RANBP2: variants seen among roughly 807,000 people sequenced by gnomAD.
The protein encoded by RANBP2 is E3 SUMO-protein ligase RanBP2.
A neutral mutation model predicts 303.6 loss-of-function variants in RANBP2; 57 were observed. The observed-to-expected ratio is 0.19, with a 90% CI of 0.15 to 0.23. The LOEUF is 0.23. RANBP2 is among the 10% of genes least tolerant of loss of function. The pLI is 1.00. For synonymous variants in RANBP2, 1,167 were observed against 1,301.5 expected (o/e 0.90, Z 2.23); for missense variants, 3,138 against 3,780.8 (o/e 0.83, Z 4.46).
the RANBP2 span, among the ~76,000 whole-genome samples, chr2:109,508,524 TG>T: frequency 1.3e-5 from 2 of 151,912 alleles, no homozygotes; most frequent in African/African-American, 2.4e-5. Context: ...ATATAAAAAC[TG>T]GATCTAAAAG....
chr2:108,874,979 T>G, the RANBP2 span, among the ~76,000 whole-genome samples: 1 of 152,046 alleles, frequency 6.6e-6, no homozygotes, highest in African/African-American at 2.4e-5. Context: ...CCAAAATGTT[T>G]TACTATTCAT....
chr2:109,320,513 A>G, the RANBP2 span, among the ~76,000 whole-genome samples: 1 of 152,172 alleles, frequency 6.6e-6, no homozygotes, highest in East Asian at 1.9e-4. Flanking sequence ...TCATGCTCAA[A>G]GGGAGGCTGT....
chr2:109,219,051 C>T, the RANBP2 span, among the ~76,000 whole-genome samples: 2 of 152,106 alleles, frequency 1.3e-5, no homozygotes, highest in Non-Finnish European at 2.9e-5. Flanking sequence ...GCTCAGTCCT[C>T]ATTTAGCTGA....
chr2:109,483,108 C>T, the RANBP2 span, among the ~76,000 whole-genome samples: 2 of 152,190 alleles, frequency 1.3e-5, no homozygotes, highest in African/African-American at 4.8e-5. Flanking sequence ...CTCCTGTGCT[C>T]TTCCAGTAAC....
chr2:108,796,733 A>G, the RANBP2 span, among the ~76,000 whole-genome samples: 1 of 152,184 alleles, frequency 6.6e-6, no homozygotes, highest in South Asian at 2.1e-4. Flanking sequence ...AAGGACAGAC[A>G]TTGCATGTTC....
the RANBP2 span, among the ~76,000 whole-genome samples, chr2:109,074,084 A>T: frequency 6.6e-6 from 1 of 150,832 alleles, no homozygotes; most frequent in Non-Finnish European, 1.5e-5. Flanking sequence ...GTTTTAAAAA[A>T]ATGGCAATAT....
chr2:109,699,826 G>A, the RANBP2 span, among the ~76,000 whole-genome samples: 3 of 152,124 alleles, frequency 2.0e-5, no homozygotes, highest in Non-Finnish European at 4.4e-5. Flanking sequence ...GGGGACCAGC[G>A]GAGGGGAGGG....
chr2:109,432,537 T>C, the RANBP2 span: 1 of 1,613,144 alleles, frequency 6.2e-7, no homozygotes, highest in Non-Finnish European at 8.5e-7. Flanking sequence ...CCCAGAAGAG[T>C]GACGAGCTGG....
At chr2:108,902,040 C>G in the RANBP2 span, among the ~76,000 whole-genome samples, 11,964 of 152,068 alleles carry the variant, frequency 0.079, 573 homozygotes, top group South Asian at 0.16. Flanking sequence ...GAGTTCAAGA[C>G]CAGCCTGGCC....
At chr2:109,149,262 G>GC in the RANBP2 span, among the ~76,000 whole-genome samples, 11 of 152,114 alleles carry the variant, frequency 7.2e-5, no homozygotes, top group African/African-American at 2.7e-4. Context: ...ATGTTCTATG[G>GC]CCCCCCGGGA....
chr2:108,845,475 G>A, the RANBP2 span, among the ~76,000 whole-genome samples: 1 of 152,096 alleles, frequency 6.6e-6, no homozygotes, highest in South Asian at 2.1e-4. Context: ...CATGAGATTG[G>A]AGAATTGGGT....
the RANBP2 span, among the ~76,000 whole-genome samples, chr2:109,453,573 C>A: frequency 6.6e-6 from 1 of 152,132 alleles, no homozygotes; most frequent in African/African-American, 2.4e-5. Context: ...CCTAACCACC[C>A]GACCGGCCAT....
chr2:109,487,869 G>A, the RANBP2 span, among the ~76,000 whole-genome samples: 732 of 152,348 alleles, frequency 4.8e-3, 9 homozygotes, highest in Middle Eastern at 0.02. Flanking sequence ...TCTCAGCACC[G>A]TGCTAGGCGC....
the RANBP2 span, among the ~76,000 whole-genome samples, chr2:109,399,137 C>T: frequency 7.2e-5 from 11 of 152,104 alleles, no homozygotes; most frequent in Non-Finnish European, 1.6e-4. Flanking sequence ...TGAGTGTGCC[C>T]TCCCTGGTTC....
chr2:108,994,923 G>A, the RANBP2 span, among the ~76,000 whole-genome samples: 3 of 147,246 alleles, frequency 2.0e-5, no homozygotes, highest in East Asian at 4.0e-4. Flanking sequence ...TCCACCTCCC[G>A]GGTTCACGCC....
chr2:109,222,009 T>G, the RANBP2 span, among the ~76,000 whole-genome samples: 1 of 152,056 alleles, frequency 6.6e-6, no homozygotes, highest in Non-Finnish European at 1.5e-5. Flanking sequence ...GGGATACTAT[T>G]CAGCCTTTCA....
At chr2:108,994,996 AT>A in the RANBP2 span, among the ~76,000 whole-genome samples, 1 of 151,370 alleles carries the variant, frequency 6.6e-6, no homozygotes, top group East Asian at 1.9e-4. Context: ...CGCCTGGCTA[AT>A]TTTTTTGTAT....
At chr2:109,043,586 C>T in the RANBP2 span, among the ~76,000 whole-genome samples, 3 of 152,214 alleles carry the variant, frequency 2.0e-5, no homozygotes, top group African/African-American at 4.8e-5. Context: ...CTGACTGTCT[C>T]AGCCTCCCAG....
chr2:109,088,616 G>A, the RANBP2 span, among the ~76,000 whole-genome samples: 1 of 151,926 alleles, frequency 6.6e-6, no homozygotes, highest in East Asian at 1.9e-4. Context: ...AAGGCGTGAG[G>A]TTCTCACGCC....
Sources: gnomAD v4.1 joint callset for allele counts (sites outside exome capture counted in the v4.1 genomes callset) on GRCh38, gnomAD v4.1.1 for gene constraint, MANE v1.5 for transcripts, NCBI Gene and HGNC (gene_info 2026-07-23, HGNC 2026-07-21) for gene names.